AP4M1: variants seen among roughly 807,000 people sequenced by gnomAD.
The protein encoded by AP4M1 is AP-4 complex subunit mu-1.
In AP4M1, 58 loss-of-function variants were observed where a neutral mutation model predicts 62.4. That is an observed-to-expected ratio of 0.93 (90% CI 0.75 to 1.16). The LOEUF (loss-of-function observed/expected upper bound fraction) is 1.16, where lower values mean the gene tolerates loss of function less well. Ranked by LOEUF, AP4M1 falls within the 50% of genes most tolerant of loss-of-function variation. AP4M1 has a pLI of 0.00. For synonymous variants in AP4M1, 290 were observed against 239.7 expected, an observed-to-expected ratio of 1.21 and a Z score of -1.94; for missense variants, 626 against 585.4, an observed-to-expected ratio of 1.07 and a Z score of -0.72.
At chr7:100,103,816 C>A (rs1796249633) in intron 6 of AP4M1, 124 bp downstream of exon 6, 1 of 988,022 alleles carries the variant, frequency 1.0e-6, no homozygotes, top group African/African-American at 1.7e-5. Flanking sequence ...CCGAGGTGGG[C>A]AGATCACCTG....
At chr7:100,103,052 CAA>C (rs1796188187) in intron 4 of AP4M1, 92 bp downstream of exon 4, 5 of 837,004 alleles carry the variant, frequency 6.0e-6, no homozygotes, top group Non-Finnish European at 9.5e-6. Flanking sequence ...GTTAGGAGGC[CAA>C]GTCTACCTTT....
At chr7:100,104,693 T>C (rs1428724150) in intron 7 of AP4M1, among the ~76,000 whole-genome samples, 181 bp from the exon 8 acceptor site, 1 of 152,112 alleles carries the variant, frequency 6.6e-6, no homozygotes, top group Non-Finnish European at 1.5e-5. Context: ...TAGCTACTTA[T>C]GGTGGCAGGC....
upstream of AP4M1, chr7:100,100,881 G>A (rs1795974201): frequency 9.5e-7 from 1 of 1,051,080 alleles, no homozygotes; most frequent in Non-Finnish European, 1.1e-6. Context: ...GCGCGCCTGG[G>A]GAGGGCGCGG....
chr7:100,107,040 G>A lies in AP4M1; in HGVS notation c.*158G>A. ...GGGGCAATGGGCCCAGCCTTTCTGT[G>A]GTATCTGATGCAGGAAGGACTGCAG... is the stretch of plus-strand genomic sequence containing the variant. On this transcript the variant is annotated 3_prime_UTR_variant, in exon 15 of 15. Coordinates refer to ENST00000359593, the MANE Select transcript of AP4M1 (RefSeq NM_004722.4). 1.7e-6 allele frequency: 2 copies of A among 1,194,846 alleles called. No homozygotes were observed. Among genetic ancestry groups the A allele is most frequent in the East Asian group, 2.6e-5 (1 of 39,010 alleles). 74.0% of individuals were successfully genotyped at this position (1,194,846 alleles called of 1,614,324 possible). A position where few individuals can be genotyped will look rare whatever the true frequency, so the allele number is the denominator to read the frequency against.
In AP4M1 at chr7:100,107,894, C is replaced by T. The variant is rs1206496580; in HGVS notation, c.*1012C>T. ...GGTGCTCTGAGGTAACCCAGGCCCT[C>T]CAGATGCTCCCTGTCCCACAGCTCT... is the stretch of plus-strand genomic sequence containing the variant. On this transcript the variant is annotated 3_prime_UTR_variant, in exon 15 of 15. Transcript: ENST00000359593. 2 of 1,575,334 alleles carry T rather than the reference C, an allele frequency of 1.3e-6. No homozygotes were observed. Among genetic ancestry groups the T allele is most frequent in the Non-Finnish European group, 1.7e-6 (2 of 1,157,626 alleles).
chr7:100,107,346 C>T lies in AP4M1; in HGVS notation c.*464C>T, dbSNP rs1467623795. ...ACTGTCCCCAGCCTCCTGCTTCCCC[C>T]CACAAAGGGCACTGCCGCTGAGTGG... On this transcript the variant is annotated 3_prime_UTR_variant, in exon 15 of 15. Transcript: ENST00000359593. 6.4e-7 allele frequency: 1 copy of T among 1,552,464 alleles called. No homozygotes were observed. Among genetic ancestry groups the T allele is most frequent in the East Asian group, 2.3e-5 (1 of 44,190 alleles).
rs999885 is a variant in AP4M1 at position 100,103,553 on chromosome 7, G to A, written c.462+34G>A. 0.53 allele frequency: 848,778 copies of A among 1,613,518 alleles called. 229,167 individuals are homozygous for A. Among genetic ancestry groups the A allele is most frequent in the East Asian group, 0.82 (36,919 of 44,866 alleles). ...AGGGAAAGAGGAGGGTGAGGAAAGA[G>A]AAGAGGGGTTGGCTGGGGTTGTCAG... On this transcript the variant is annotated intron_variant, in intron 5 of 14. Transcript: ENST00000359593.
At chr7:100,102,322 C>G (rs1380832928) in intron 2 of AP4M1, 2 of 516,308 alleles carry the variant, frequency 3.9e-6, no homozygotes, top group Admixed American at 3.1e-5. Context: ...ATCCAAGAGG[C>G]AGAGGTTGCA....
In AP4M1 at chr7:100,108,710, T is replaced by C. The variant is rs997366605; in HGVS notation, c.*1828T>C. ...CAAATTATGCTGAACTATTAGTGTG[T>C]GTACAGAACACTGTGGGCTTTCTCA... On this transcript the variant is annotated 3_prime_UTR_variant, in exon 15 of 15. Transcript: ENST00000359593. The C allele has an allele frequency of 2.1e-5, 13 of 631,270 alleles. No homozygotes were observed. The African/African-American group carries it at 2.2e-4, about 11-fold the overall frequency. 39.1% of individuals were successfully genotyped at this position (631,270 alleles called of 1,614,324 possible).
At chr7:100,106,334 G>T (rs945629707) in intron 13 of AP4M1, 43 bp downstream of exon 13, 1 of 1,613,428 alleles carries the variant, frequency 6.2e-7, no homozygotes, top group African/African-American at 1.3e-5. Context: ...TGGGGAGAGA[G>T]TGAGCTCAGC....
At chr7:100,101,195 C>A, upstream of AP4M1, 1 of 1,591,084 alleles carries the variant, frequency 6.3e-7, no homozygotes, top group Non-Finnish European at 8.6e-7. Context: ...AAGACCCCAG[C>A]TCACACCAAC....
At position 100,108,510 on chromosome 7, in the gene AP4M1, G is replaced by A. The variant is rs751770909; in HGVS notation, c.*1628G>A. The A allele has an allele frequency of 8.1e-6, 13 of 1,612,408 alleles. No individual in the cohort carries two copies. The highest frequency in any genetic ancestry group is 1.0e-5 in the Non-Finnish European group (12 of 1,178,844). On this transcript the variant is annotated 3_prime_UTR_variant, in exon 15 of 15. Transcript: ENST00000359593. ...GCGTCCTGATTGTCAGGCGGTGGGC[G>A]CAGCTTTGCCAGAACAGGAGCACAG...
chr7:100,100,795 C>G, upstream of AP4M1: 1 of 995,554 alleles, frequency 1.0e-6, no homozygotes, highest in Non-Finnish European at 1.2e-6. Flanking sequence ...CCCGGCTCCA[C>G]TTCCGCTCGG....
Position 100,102,867 on chromosome 7 carries a change from G to A in AP4M1, c.258G>A (p.Leu86=). 1 of 1,614,096 alleles carries A rather than the reference G, an allele frequency of 6.2e-7. No homozygotes were observed. Among genetic ancestry groups the A allele is most frequent in the African/African-American group, 1.3e-5 (1 of 74,998 alleles). The part of the protein sequence containing the change: ...PFSLLELLSR[L]ATLLGDYCGS... ...CACGCTCCAAGTGTTTCCTCAGGTTGGCCACCCTTCTGGGCGATTACTGTG... is the reference window on the plus strand; with the variant it reads ...CACGCTCCAAGTGTTTCCTCAGGTTAGCCACCCTTCTGGGCGATTACTGTG... The change falls in exon 4 of 15, where the codon TTG becomes TTA. Residue 86 remains leucine, a synonymous_variant. Transcript: ENST00000359593.
upstream of AP4M1, chr7:100,101,216 CG>C: frequency 6.2e-7 from 1 of 1,610,768 alleles, no homozygotes; most frequent in Non-Finnish European, 8.5e-7. Context: ...AGGTGTTCCC[CG>C]GGAGGCTCCC....
chr7:100,104,989 T>G, intron 8 of AP4M1, 49 bp downstream of exon 8: 1 of 1,613,968 alleles, frequency 6.2e-7, no homozygotes, highest in South Asian at 1.1e-5. Context: ...GGCGGGTTCC[T>G]TGGTGTCTTA....
chr7:100,106,250 CAAT>C lies in AP4M1; in HGVS notation c.985_987del (p.Asn329del). 6.2e-7 allele frequency: 1 copy of C among 1,614,126 alleles called. No homozygotes were observed. The highest frequency in any genetic ancestry group is 8.5e-7 in the Non-Finnish European group (1 of 1,180,028). On this transcript the variant is annotated inframe_deletion, in exon 13 of 15. Coordinates refer to ENST00000359593, the MANE Select transcript of AP4M1 (RefSeq NM_004722.4). ...CCCGTCTCCTCTGTAGCCAAGCCCT[CAAT>C]GTCAGGCTGCACCTCCCCCTGCCTC...
chr7:100,102,598 C>A, intron 2 of AP4M1, 77 bp from the exon 3 acceptor site: 2 of 1,312,536 alleles, frequency 1.5e-6, no homozygotes, highest in Non-Finnish European at 2.2e-6. Context: ...CATCGGGATC[C>A]GAGCTCAGGT....
Position 100,105,981 on chromosome 7 carries a change from C to T in AP4M1, c.952C>T (p.Arg318Ter), listed in dbSNP as rs730882249. 8.7e-6 allele frequency: 14 copies of T among 1,614,112 alleles called. No individual in the cohort carries two copies. The highest frequency in any genetic ancestry group is 4.5e-5 in the East Asian group (2 of 44,876). The change falls in exon 12 of 15, where the codon CGA becomes TGA. Residue 318 changes from arginine to a stop codon, truncating the protein, a stop_gained. Transcript: ENST00000359593. LOFTEE classifies it high-confidence loss of function. ...SGRLQVYLKL[R>*]CDLLSKSQAL... ...CAGGCTCCAGGTTTATCTAAAGTTG[C>T]GATGTGACCTGCTCTCAAAGAGGTA... is the stretch of plus-strand genomic sequence containing the variant.
Sources: gnomAD v4.1 joint callset for allele counts (sites outside exome capture counted in the v4.1 genomes callset) on GRCh38, gnomAD v4.1.1 for gene constraint, MANE v1.5 for transcripts, NCBI Gene and HGNC (gene_info 2026-07-23, HGNC 2026-07-21) for gene names.